TENM2: variants seen among roughly 807,000 people sequenced by gnomAD.
The protein encoded by TENM2 is teneurin-2.
In TENM2, 52 loss-of-function variants were observed where a neutral mutation model predicts 245.2. The observed-to-expected ratio is 0.21, with a 90% CI of 0.17 to 0.27. The LOEUF (loss-of-function observed/expected upper bound fraction) is 0.27, where lower values mean the gene tolerates loss of function less well. Ranked by LOEUF, TENM2 falls within the 10% of genes least tolerant of loss-of-function variation. The probability of loss-of-function intolerance (pLI) is 1.00; values close to 1 mark genes in which losing one functional copy is unlikely to be tolerated. For synonymous variants in TENM2, 1,363 were observed against 1,438.9 expected, an observed-to-expected ratio of 0.95 and a Z score of 1.19; for missense variants, 3,046 against 3,666.8, an observed-to-expected ratio of 0.83 and a Z score of 4.37.
At chr5:167,648,535 G>A (rs926071436) in intron 2 of TENM2, among the ~76,000 whole-genome samples, 3 of 152,124 alleles carry the variant, frequency 2.0e-5, no homozygotes, top group Non-Finnish European at 2.9e-5. Context: ...ATATGGTCAC[G>A]TACCCGTACC....
intron 2 of TENM2, among the ~76,000 whole-genome samples, chr5:167,566,549 C>T (rs1345074354): frequency 6.6e-6 from 1 of 152,178 alleles, no homozygotes; most frequent in African/African-American, 2.4e-5. Flanking sequence ...ATTGAAGAAA[C>T]TCGCAAACAG....
At chr5:167,356,216 A>AAAAAAG (rs1412322682) in intron 1 of TENM2, among the ~76,000 whole-genome samples, 1 of 134,324 alleles carries the variant, frequency 7.4e-6, no homozygotes, top group African/African-American at 3.2e-5. Context: ...AAAAAAAAAA[A>AAAAAAG]AAAAATTAAA....
Position 168,135,479 on chromosome 5 carries a change from T to C in TENM2, c.2422+8513T>C, listed in dbSNP as rs1352170846. Among the ~76,000 whole-genome samples, 5 of 152,220 alleles carry C rather than the reference T, an allele frequency of 3.3e-5. No individual in the cohort carries two copies. The East Asian group carries it at 9.6e-4, about 29-fold the overall frequency. On this transcript the variant is annotated intron_variant, in intron 12 of 28. Coordinates refer to ENST00000518659, the Ensembl canonical transcript of TENM2. ...GAAAACCTGCCAGTCAAAAATGGGG[T>C]TTATTGCTTGCTTCTTTATCCTTTT...
intron 9 of TENM2, among the ~76,000 whole-genome samples, chr5:168,113,063 T>C (rs982319786): frequency 5.9e-5 from 9 of 152,188 alleles, no homozygotes; most frequent in African/African-American, 2.2e-4. Flanking sequence ...ATGCCTATAA[T>C]CCCAGCACTT....
At chr5:167,806,827 A>C (rs1766213354) in intron 2 of TENM2, among the ~76,000 whole-genome samples, 1 of 152,076 alleles carries the variant, frequency 6.6e-6, no homozygotes, top group Admixed American at 6.6e-5. Flanking sequence ...AGTTCAGGAA[A>C]GTTCCCAAAA....
At chr5:167,354,151 G>A (rs986444128) in intron 1 of TENM2, among the ~76,000 whole-genome samples, 16 of 152,150 alleles carry the variant, frequency 1.1e-4, no homozygotes, top group Middle Eastern at 3.2e-3. Context: ...AAGACCAGCC[G>A]GAACTGCCAA....
At chr5:167,431,839 T>G (rs187029252) in intron 2 of TENM2, among the ~76,000 whole-genome samples, 35 of 150,604 alleles carry the variant, frequency 2.3e-4, no homozygotes, top group Admixed American at 4.0e-4. Context: ...AATAGGAATT[T>G]TAATCATTTA....
chr5:167,190,738 C>T, the TENM2 span, among the ~76,000 whole-genome samples: 1 of 152,136 alleles, frequency 6.6e-6, no homozygotes, highest in East Asian at 1.9e-4. Context: ...TTCTTTTCTA[C>T]ACTCTCATCT....
At chr5:167,893,709 G>C (rs1774947319) in intron 3 of TENM2, among the ~76,000 whole-genome samples, 2 of 151,576 alleles carry the variant, frequency 1.3e-5, no homozygotes, top group Non-Finnish European at 1.5e-5. Context: ...AAATAAAGAA[G>C]AGATAATTTC....
the TENM2 span, among the ~76,000 whole-genome samples, chr5:167,201,047 A>T: frequency 3.3e-5 from 5 of 152,314 alleles, no homozygotes; most frequent in Non-Finnish European, 5.9e-5. Context: ...CCTGCCTGCC[A>T]ACTTCATGTC....
At chr5:167,915,289 T>A (rs1384224223) in intron 3 of TENM2, among the ~76,000 whole-genome samples, 1 of 151,854 alleles carries the variant, frequency 6.6e-6, no homozygotes, top group Non-Finnish European at 1.5e-5. Context: ...TCAGAAAGGG[T>A]TGTAGTCCAC....
the TENM2 span, among the ~76,000 whole-genome samples, chr5:167,239,351 A>G: frequency 6.6e-6 from 1 of 152,200 alleles, no homozygotes; most frequent in Non-Finnish European, 1.5e-5. Flanking sequence ...CTCCAGTGCT[A>G]TGTTTATACA....
chr5:168,161,794 G>A (rs899096676), intron 12 of TENM2, among the ~76,000 whole-genome samples: 7 of 146,694 alleles, frequency 4.8e-5, no homozygotes, highest in African/African-American at 1.8e-4. Flanking sequence ...AGCCAATTTT[G>A]CACAGACACG....
chr5:167,559,579 A>T (rs1394678925), intron 2 of TENM2, among the ~76,000 whole-genome samples: 1 of 152,202 alleles, frequency 6.6e-6, no homozygotes, highest in African/African-American at 2.4e-5. Flanking sequence ...GGATTAAAAA[A>T]ATCTCTTTTT....
At chr5:168,047,609 A>G (rs1225065750) in intron 6 of TENM2, 60 bp downstream of exon 8, 3 of 1,526,422 alleles carry the variant, frequency 2.0e-6, no homozygotes, top group Admixed American at 2.1e-5. Flanking sequence ...AGCTCTCGCC[A>G]GCTGGTTCAG....
chr5:167,145,894 G>A, the TENM2 span, among the ~76,000 whole-genome samples: 1 of 152,040 alleles, frequency 6.6e-6, no homozygotes, highest in Non-Finnish European at 1.5e-5. Flanking sequence ...TTTACAGCTC[G>A]TTCACCTATT....
chr5:167,097,174 T>C, the TENM2 span, among the ~76,000 whole-genome samples: 1 of 152,138 alleles, frequency 6.6e-6, no homozygotes. Flanking sequence ...TCTTGTGGCC[T>C]ATTGAGGTAA....
In TENM2 at chr5:168,089,398, C is replaced by G. The variant is rs143808896; in HGVS notation, c.1516-1176C>G. Among the ~76,000 whole-genome samples, 292 of 152,294 alleles carry G rather than the reference C, an allele frequency of 1.9e-3. 2 individuals carry two copies. The highest frequency in any genetic ancestry group is 6.6e-3 in the African/African-American group (276 of 41,558). On this transcript the variant is annotated intron_variant, in intron 7 of 28. Transcript: ENST00000518659. ...AACATCCCTTTCATCACATCAGTCA[C>G]TGCTCAAGAGTCTTCAATAGCTCCC...
At chr5:168,208,619 G>T (rs1472336686) in intron 19 of TENM2, among the ~76,000 whole-genome samples, 1 of 152,222 alleles carries the variant, frequency 6.6e-6, no homozygotes, top group Non-Finnish European at 1.5e-5. Context: ...GAACGGAAAT[G>T]CTTTTCCTAT....
Sources: allele counts gnomAD v4.1 joint callset (sites outside exome capture counted in the v4.1 genomes callset), GRCh38; gene constraint gnomAD v4.1.1; transcripts MANE v1.5; gene names NCBI Gene and HGNC (gene_info 2026-07-23, HGNC 2026-07-21).